The following CCN6 variants were observed in gnomAD, a reference collection of about 807,000 sequenced individuals.
CCN6 encodes cellular communication network factor 6.
CCN6 carries 31 observed loss-of-function variants against 37.4 expected under a neutral mutation model. The observed-to-expected ratio is 0.83, with a 90% CI of 0.62 to 1.12. CCN6 has a LOEUF of 1.12. Among genes scored for constraint, CCN6 ranks in the 50% most tolerant of loss-of-function variants. CCN6 has a pLI of 0.00. For missense variants in CCN6, 369 were observed against 413.8 expected (o/e 0.89, Z 0.94); for synonymous variants, 137 against 142.1 (o/e 0.96, Z 0.26).
chr6:112,067,654 G>T (rs1322815051), intron 3 of CCN6, among the ~76,000 whole-genome samples: 2 of 152,224 alleles, frequency 1.3e-5, no homozygotes, highest in Middle Eastern at 3.4e-3. Flanking sequence ...TAAATGATTA[G>T]TTTAGTTCAG....
In CCN6 at chr6:112,061,106, C is replaced by G. The variant is rs782546038; in HGVS notation, c.164C>G (p.Pro55Arg). 8 of 1,614,032 alleles carry G rather than the reference C, an allele frequency of 5.0e-6. No homozygotes were observed. The highest frequency in any genetic ancestry group is 4.2e-6 in the Non-Finnish European group (5 of 1,180,024). ...TTTTGTCACTGGCCCTGCAAATGCCCTCAGCAGAAGCCCCGTTGCCCTCCT... is the reference window on the plus strand; with the variant it reads ...TTTTGTCACTGGCCCTGCAAATGCCGTCAGCAGAAGCCCCGTTGCCCTCCT... ...KQFCHWPCKC[P>R]QQKPRCPPGV... The change falls in exon 2 of 5, where the codon CCT becomes CGT. Residue 55 changes from proline to arginine, a missense_variant. Pro to Arg is a moderately radical substitution (Grantham distance 103). Transcript: ENST00000368666.
At chr6:112,064,636 G>A in intron 2 of CCN6, 119 bp from the exon 3 acceptor site, 1 of 1,505,194 alleles carries the variant, frequency 6.6e-7, no homozygotes, top group Non-Finnish European at 9.2e-7. Flanking sequence ...TGGAACCTAA[G>A]AGGTTGAGAG....
Position 112,068,401 on chromosome 6 carries a change from A to G in CCN6, c.783+3A>G, listed in dbSNP as rs1554314535. On this transcript the variant is annotated splice_donor_region_variant and intron_variant, in intron 4 of 4. Coordinates refer to ENST00000368666, the MANE Select transcript of CCN6 (RefSeq NM_198239.2). The stretch of plus-strand genomic sequence containing the variant: ...GCAATATATTAAAGACAATAAAGGT[A>G]AAGTTTAAATATATTTAACTTAATT... 2 of 1,603,706 alleles carry G rather than the reference A, an allele frequency of 1.2e-6. No individual in the cohort carries two copies. The highest frequency in any genetic ancestry group is 2.2e-5 in the South Asian group (2 of 89,796).
intron 3 of CCN6, among the ~76,000 whole-genome samples, chr6:112,067,353 A>G (rs1055129000): frequency 6.6e-6 from 1 of 152,134 alleles, no homozygotes; most frequent in Non-Finnish European, 1.5e-5. Flanking sequence ...GCTTAAAATG[A>G]GCCAAGGGCC....
chr6:112,068,438 G>T (rs1554314549), intron 4 of CCN6, 40 bp downstream of exon 4: 13 of 1,540,600 alleles, frequency 8.4e-6, no homozygotes, highest in African/African-American at 1.4e-5. Flanking sequence ...AATATTAAGA[G>T]ATTCCTGAAA....
At position 112,068,166 on chromosome 6, in the gene CCN6, T is replaced by C. The variant is rs1554314442; in HGVS notation, c.590-39T>C. 2.1e-6 allele frequency: 3 copies of C among 1,427,328 alleles called. No homozygotes were observed. The South Asian group carries it at 3.8e-5, about 18-fold the overall frequency. The allele number at this position is 1,427,328 out of a possible 1,614,324, so 88.4% of individuals were successfully genotyped here. A position where few individuals can be genotyped will look rare whatever the true frequency, so the allele number is the denominator to read the frequency against. On this transcript the variant is annotated intron_variant, in intron 3 of 4. Transcript: ENST00000368666. The stretch of plus-strand genomic sequence containing the variant: ...AAATTATCTATTTATACAAGTACAT[T>C]TATATGTATACATATGTACTTTTCT...
intron 1 of CCN6, chr6:112,059,912 G>A (rs782185326): frequency 1.8e-5 from 24 of 1,298,422 alleles, no homozygotes; most frequent in African/African-American, 1.4e-4. Context: ...TAAACTCTAC[G>A]GTGAAAGGAC....
chr6:112,054,157 T>C lies in CCN6; in HGVS notation c.-201T>C, dbSNP rs2114423293. 1 of 802,830 alleles carries C rather than the reference T, an allele frequency of 1.2e-6. No homozygotes were observed. The highest frequency in any genetic ancestry group is 2.2e-6 in the Non-Finnish European group (1 of 447,038). The allele number at this position is 802,830 out of a possible 1,614,324, so 49.7% of individuals were successfully genotyped here. A position where few individuals can be genotyped will look rare whatever the true frequency, so the allele number is the denominator to read the frequency against. ...AAGGCAGGTTATTAGAAGAGTCCCA[T>C]GAAAGTAAACAGGGTATTAAAACGG... is the stretch of plus-strand genomic sequence containing the variant. On this transcript the variant is annotated 5_prime_UTR_variant, in exon 1 of 5. The change abolishes an upstream ATG in the 5' untranslated region. Transcript: ENST00000368666.
Position 112,064,915 on chromosome 6 carries a change from A to G in CCN6, c.507A>G (p.Lys169=). The G allele has an allele frequency of 1.2e-6, 2 of 1,614,112 alleles. No individual in the cohort carries two copies. The highest frequency in any genetic ancestry group is 1.3e-5 in the African/African-American group (1 of 75,048). ...KLAGSHCSGA[K]GGKKSDQSNC... ...CTGGCAGTCACTGCTCTGGAGCTAA[A>G]GGTGGAAAGAAGTCTGATCAGTCAA... Residue 169 remains lysine, a synonymous_variant, in exon 3 of 5, where the codon AAA becomes AAG. Coordinates refer to ENST00000368666, the MANE Select transcript of CCN6 (RefSeq NM_198239.2).
chr6:112,066,347 C>T (rs868981158), intron 3 of CCN6, among the ~76,000 whole-genome samples: 22 of 152,120 alleles, frequency 1.4e-4, no homozygotes, highest in Middle Eastern at 6.9e-3. Context: ...TTAGAACCCA[C>T]ACATAAACTT....
At position 112,062,369 on chromosome 6, in the gene CCN6, C is replaced by T. The variant is rs188074176; in HGVS notation, c.346+1081C>T. 1.4e-4 allele frequency among the ~76,000 whole-genome samples: 21 copies of T among 152,190 alleles called. No homozygotes were observed. The East Asian group carries it at 4.1e-3, about 29-fold the overall frequency. On this transcript the variant is annotated intron_variant, in intron 2 of 4. Transcript: ENST00000368666. ...GTGGCATTCAGGACACCCATTTTTC[C>T]CAAGCTAGGCAGGTTATTTCATTAA...
intron 1 of CCN6, 162 bp downstream of exon 1, chr6:112,054,567 T>G (rs1055320095): frequency 2.9e-6 from 2 of 699,984 alleles, no homozygotes; most frequent in Non-Finnish European, 5.1e-6. Flanking sequence ...CCAAATAAAG[T>G]TCTGTGTTCG....
intron 3 of CCN6, among the ~76,000 whole-genome samples, chr6:112,067,303 T>C (rs587702088): frequency 1.3e-5 from 2 of 152,266 alleles, no homozygotes; most frequent in East Asian, 3.9e-4. Flanking sequence ...CACATTAACC[T>C]TAAGGAAATG....
rs375824740 is a variant in CCN6, at chr6:112,055,579, C to CTTTATTTATTTATTTA, written c.48+1187_48+1202dup. ...TATATGCCAAATACTGTGCTGGGTG[C>CTTTATTTATTTATTTA]TTTATTTATTTATTTATTTATTTAT... On this transcript the variant is annotated intron_variant, in intron 1 of 4. Transcript: ENST00000368666. Among the ~76,000 whole-genome samples the CTTTATTTATTTATTTA allele has an allele frequency of 1.6e-3, 244 of 151,400 alleles. 1 individual carries two copies. The highest frequency in any genetic ancestry group is 5.7e-3 in the African/African-American group (233 of 40,928).
At position 112,054,364 on chromosome 6, in the gene CCN6, G is replaced by A. The variant is rs1554311375; in HGVS notation, c.7G>A (p.Gly3Arg). 1 of 1,613,746 alleles carries A rather than the reference G, an allele frequency of 6.2e-7. No homozygotes were observed. The highest frequency in any genetic ancestry group is 1.7e-5 in the Admixed American group (1 of 59,976). ...GCTCCACGGTCCCAGCGACATGCAG[G>A]GGCTCCTCTTCTCCACTCTTCTGCT... is the stretch of plus-strand genomic sequence containing the variant. MQ[G>R]LLFSTLLLAG... Residue 3 changes from glycine to arginine, a missense_variant, in exon 1 of 5, where the codon GGG becomes AGG. Transcript: ENST00000368666.
rs782375329 is a variant in CCN6, at chr6:112,054,321, T to C, written c.-37T>C. The C allele has an allele frequency of 1.2e-6, 2 of 1,613,870 alleles. No homozygotes were observed. Among genetic ancestry groups the C allele is most frequent in the Non-Finnish European group, 1.7e-6 (2 of 1,179,958 alleles). On this transcript the variant is annotated 5_prime_UTR_variant, in exon 1 of 5. Coordinates refer to ENST00000368666, the MANE Select transcript of CCN6 (RefSeq NM_198239.2). ...CCGGAGCAATGAACAAGCGGCGACT[T>C]CTCTACCCCTCAGGGTGGCTCCACG... is the stretch of plus-strand genomic sequence containing the variant.
chr6:112,055,304 C>T (rs1776313782), intron 1 of CCN6, among the ~76,000 whole-genome samples: 1 of 152,114 alleles, frequency 6.6e-6, no homozygotes, highest in South Asian at 2.1e-4. Flanking sequence ...GGGCTCACTC[C>T]CCTGTCTGTG....
At chr6:112,061,802 A>G (rs587665012) in intron 2 of CCN6, among the ~76,000 whole-genome samples, 15 of 152,242 alleles carry the variant, frequency 9.9e-5, no homozygotes, top group African/African-American at 3.6e-4. Context: ...CCAAACCACA[A>G]CCTGACCCTC....
In CCN6 at chr6:112,068,376, G is replaced by A; in HGVS notation, c.761G>A (p.Ser254Asn). Residue 254 changes from serine (S) to asparagine (N), a missense_variant, in exon 4 of 5, where the codon AGC becomes AAC. Transcript: ENST00000368666. Reference protein sequence around the residue: ...KRLCYIQPCDSNILKTIKIPK... With the variant: ...KRLCYIQPCDNNILKTIKIPK... ...CTGTGTTACATTCAGCCTTGCGACA[G>A]CAATATATTAAAGACAATAAAGGTA... 6.2e-7 allele frequency: 1 copy of A among 1,612,318 alleles called. No individual in the cohort carries two copies. Among genetic ancestry groups the A allele is most frequent in the Non-Finnish European group, 8.5e-7 (1 of 1,179,138 alleles).
Sources: allele counts gnomAD v4.1 joint callset (sites outside exome capture counted in the v4.1 genomes callset), GRCh38; gene constraint gnomAD v4.1.1; transcripts MANE v1.5; gene names NCBI Gene and HGNC (gene_info 2026-07-23, HGNC 2026-07-21).